AFF1: variants seen among roughly 807,000 people sequenced by gnomAD.
The protein encoded by AFF1 is ALF transcription elongation factor 1.
Under a neutral mutation model 121.7 loss-of-function variants are expected in AFF1, and 48 were observed. The ratio of observed to expected loss-of-function variants is 0.39; its 90% CI spans 0.31 to 0.50. The LOEUF is 0.50. AFF1 is among the 20% of genes least tolerant of loss of function. The pLI is 0.76. For missense variants in AFF1, 1,523 were observed against 1,511.7 expected (o/e 1.01, Z -0.12); for synonymous variants, 613 against 563.0 (o/e 1.09, Z -1.26).
At chr4:87,101,763 T>C (rs1371716865) in intron 8 of AFF1, among the ~76,000 whole-genome samples, 2 of 152,220 alleles carry the variant, frequency 1.3e-5, no homozygotes, top group Non-Finnish European at 2.9e-5. Context: ...TTATTATTTT[T>C]AGCACACCTG....
chr4:87,007,548 C>T (rs978573432), intron 2 of AFF1: 54 of 1,295,746 alleles, frequency 4.2e-5, no homozygotes, highest in Non-Finnish European at 5.5e-5. Context: ...GCCTTCTCAT[C>T]ATTCCCGAGG....
intron 2 of AFF1, among the ~76,000 whole-genome samples, chr4:86,973,610 A>G (rs1217728586): frequency 6.6e-6 from 1 of 152,170 alleles, no homozygotes; most frequent in Non-Finnish European, 1.5e-5. Context: ...TTGATTTGGT[A>G]AAGAGAAAGG....
intron 2 of AFF1, chr4:87,007,413 A>C (rs1450192512): frequency 7.4e-6 from 12 of 1,614,126 alleles, no homozygotes; most frequent in Non-Finnish European, 1.0e-5. Context: ...GAATTATGGC[A>C]GCCCAGTCAA....
At chr4:87,000,159 G>A (rs1725575189) in intron 2 of AFF1, among the ~76,000 whole-genome samples, 1 of 152,166 alleles carries the variant, frequency 6.6e-6, no homozygotes, top group Non-Finnish European at 1.5e-5. Flanking sequence ...TAAATAAATG[G>A]AGAAGAGGCA....
At chr4:87,034,157 G>C (rs867904229) in intron 2 of AFF1, among the ~76,000 whole-genome samples, 1 of 152,152 alleles carries the variant, frequency 6.6e-6, no homozygotes, top group African/African-American at 2.4e-5. Flanking sequence ...GAGAGAGAGC[G>C]AGTCTTCCTC....
intron 2 of AFF1, among the ~76,000 whole-genome samples, chr4:87,010,025 GA>G (rs1726576128): frequency 6.6e-6 from 1 of 152,162 alleles, no homozygotes. Context: ...TATGCAAATG[GA>G]TTAGGCGGTG....
At chr4:87,092,236 T>C (rs866425594) in intron 7 of AFF1, among the ~76,000 whole-genome samples, 1 of 152,142 alleles carries the variant, frequency 6.6e-6, no homozygotes, top group Non-Finnish European at 1.5e-5. Context: ...TGAGCCAAGA[T>C]TGTGGCACTG....
At chr4:87,110,061 T>G (rs1726307086) in intron 11 of AFF1, among the ~76,000 whole-genome samples, 1 of 152,216 alleles carries the variant, frequency 6.6e-6, no homozygotes, top group African/African-American at 2.4e-5. Context: ...TAACAGAAAT[T>G]CCATAATAAG....
rs758659008 is a variant in AFF1, at chr4:87,114,509, C to G, written c.1676C>G (p.Thr559Arg). 6.2e-7 allele frequency: 1 copy of G among 1,613,568 alleles called. No homozygotes were observed. Among genetic ancestry groups the G allele is most frequent in the South Asian group, 1.1e-5 (1 of 91,062 alleles). ...PESKGSSDSA[T>R]SQEHSESKDP... is the part of the protein sequence containing the mutation. ...AGTAAGGGCAGCAGCGACAGTGCCA[C>G]GAGTCAGGAGCATTCTGAATCCAAA... The change falls in exon 12 of 21, where the codon ACG (threonine) becomes AGG (arginine). Residue 559 changes from threonine to arginine, a missense_variant. Around this residue, in one of 5 missense-constraint regions of AFF1, gnomAD observed 905 missense variants for 842.5 expected, o/e 1.07. Coordinates refer to ENST00000395146, the MANE Select transcript of AFF1 (RefSeq NM_001166693.3).
intron 2 of AFF1, among the ~76,000 whole-genome samples, chr4:87,023,806 G>A (rs1297569016): frequency 3.3e-5 from 5 of 152,178 alleles, no homozygotes; most frequent in Non-Finnish European, 7.3e-5. Context: ...TTAAACAAGA[G>A]GGTTCGTTCT....
chr4:86,972,153 A>G (rs1267779353), intron 2 of AFF1, among the ~76,000 whole-genome samples: 1 of 151,546 alleles, frequency 6.6e-6, no homozygotes, highest in Non-Finnish European at 1.5e-5. Flanking sequence ...AAAAAAAAAA[A>G]AAAAAAAGTT....
chr4:87,054,676 G>A (rs541740436), intron 4 of AFF1, among the ~76,000 whole-genome samples: 72 of 152,320 alleles, frequency 4.7e-4, no homozygotes, highest in African/African-American at 1.7e-3. Flanking sequence ...GGTGCCTGGA[G>A]CAGACGACTT....
chr4:87,100,511 A>G (rs1725323881), intron 8 of AFF1, among the ~76,000 whole-genome samples: 1 of 152,112 alleles, frequency 6.6e-6, no homozygotes, highest in Non-Finnish European at 1.5e-5. Context: ...ACTACCCTGT[A>G]TAAAAGAGTG....
intron 2 of AFF1, among the ~76,000 whole-genome samples, chr4:87,038,583 A>G (rs2149596594): frequency 6.6e-6 from 1 of 152,322 alleles, no homozygotes; most frequent in African/African-American, 2.4e-5. Context: ...ATGGTGTGGA[A>G]GAACCCTAGC....
intron 2 of AFF1, among the ~76,000 whole-genome samples, chr4:87,027,749 C>T (rs1728661167): frequency 6.7e-6 from 1 of 149,904 alleles, no homozygotes; most frequent in Non-Finnish European, 1.5e-5. Context: ...CTAAACATTC[C>T]AAAATCTGAA....
intron 10 of AFF1, 37 bp from the exon 11 acceptor site, chr4:87,108,122 T>C (rs1726105291): frequency 6.2e-7 from 1 of 1,607,656 alleles, no homozygotes; most frequent in Admixed American, 1.7e-5. Flanking sequence ...CCACCTTGTA[T>C]CGTGCCTTCT....
chr4:87,007,142 T>C, intron 2 of AFF1: 1 of 1,269,980 alleles, frequency 7.9e-7, no homozygotes, highest in Non-Finnish European at 9.9e-7. Flanking sequence ...GACGCGGCGC[T>C]CCCCGGGCTC....
intron 12 of AFF1, among the ~76,000 whole-genome samples, chr4:87,115,609 C>CTTTTTTTTTTT (rs71660115): frequency 0.049 from 1,986 of 40,560 alleles, 253 homozygotes; most frequent in African/African-American, 0.078. Flanking sequence ...CAACCCACCT[C>CTTTTTTTTTTT]TTTTTTTTTT....
At chr4:87,099,794 T>C (rs1725241315) in intron 8 of AFF1, among the ~76,000 whole-genome samples, 1 of 152,148 alleles carries the variant, frequency 6.6e-6, no homozygotes, top group African/African-American at 2.4e-5. Flanking sequence ...AAACTGTAGG[T>C]GGCATATAAT....
Sources: gnomAD v4.1 joint callset for allele counts (sites outside exome capture counted in the v4.1 genomes callset) on GRCh38, gnomAD v4.1.1 for gene constraint, gnomAD v4.1.1 regional missense constraint, MANE v1.5 for transcripts, NCBI Gene and HGNC (gene_info 2026-07-23, HGNC 2026-07-21) for gene names.